FAT3: variants seen among roughly 807,000 people sequenced by gnomAD.
The protein encoded by FAT3 is protocadherin Fat 3.
FAT3 carries 95 observed loss-of-function variants against 310.2 expected under a neutral mutation model. The observed-to-expected ratio is 0.31, with a 90% CI of 0.26 to 0.36. The LOEUF is 0.36. Among genes scored for constraint, FAT3 ranks in the 10% least tolerant of loss-of-function variants. The pLI, the probability that FAT3 is intolerant of heterozygous loss-of-function variation, is 1.00. For missense variants in FAT3, 5,408 were observed against 5,715.6 expected (o/e 0.95, Z 1.74); for synonymous variants, 2,314 against 2,192.9 (o/e 1.06, Z -1.54).
chr11:92,404,881 T>G lies in FAT3; in HGVS notation c.3292+49477T>G, dbSNP rs184017537. Among the ~76,000 whole-genome samples the G allele has an allele frequency of 7.0e-3, 1,060 of 152,048 alleles. 18 individuals are homozygous for G. Among genetic ancestry groups the G allele is most frequent in the African/African-American group, 0.023 (957 of 41,486 alleles). On this transcript the variant is annotated intron_variant, in intron 2 of 27. Transcript: ENST00000525166. ...TGGGACATCTATCTTCTCCTACCCT[T>G]AAACACAGATGCTCCCGGTTCTTGG...
In FAT3 at chr11:92,226,881, CT is replaced by C. The variant is rs142601504; in HGVS notation, c.-18+1712del. On this transcript the variant is annotated intron_variant, in intron 1 of 27. Coordinates refer to ENST00000525166, the MANE Select transcript of FAT3 (RefSeq NM_001367949.2). ...CTGGGACCGCGGTAATGATTGAAGT[CT>C]TTTTCCCCCCTCTCCCCTCCTCCCG... 6.7e-4 allele frequency among the ~76,000 whole-genome samples: 102 copies of C among 152,256 alleles called. No individual in the cohort carries two copies. The East Asian group carries it at 0.014, about 20-fold the overall frequency.
chr11:92,859,490 ATTTC>A (rs1949068712), intron 21 of FAT3, among the ~76,000 whole-genome samples, 168 bp downstream of exon 21: 1 of 152,120 alleles, frequency 6.6e-6, no homozygotes, highest in South Asian at 2.1e-4. Flanking sequence ...CCAACATCCC[ATTTC>A]CTTTTGAACA....
At chr11:92,380,066 C>T (rs933812342) in intron 2 of FAT3, among the ~76,000 whole-genome samples, 4 of 129,306 alleles carry the variant, frequency 3.1e-5, no homozygotes, top group African/African-American at 1.1e-4. Flanking sequence ...ATCATGCAAA[C>T]TGATTCGTGT....
At chr11:92,837,835 G>T (rs1055488804) in intron 17 of FAT3, 29 bp downstream of exon 17, 1 of 1,613,630 alleles carries the variant, frequency 6.2e-7, no homozygotes, top group Admixed American at 1.7e-5. Flanking sequence ...CCAAGCACTT[G>T]TCCCTTTGCA....
Position 92,588,163 on chromosome 11 carries a change from G to A in FAT3, c.3607+63215G>A, listed in dbSNP as rs147908523. 1.9e-4 allele frequency among the ~76,000 whole-genome samples: 29 copies of A among 151,888 alleles called. 2 individuals are homozygous for A. The East Asian group carries it at 5.7e-3, about 30-fold the overall frequency. Reference sequence around the variant, plus strand: ...TTTATGCTGTAGACTTGGAGAGCATGCATACTTTCAACAGTGGTGTCTCTT... The same window carrying A: ...TTTATGCTGTAGACTTGGAGAGCATACATACTTTCAACAGTGGTGTCTCTT... On this transcript the variant is annotated intron_variant, in intron 3 of 27. Coordinates refer to ENST00000525166, the MANE Select transcript of FAT3 (RefSeq NM_001367949.2).
chr11:92,354,147 A>C lies in FAT3; in HGVS notation c.2035A>C (p.Lys679Gln), dbSNP rs1398720067. 1 of 1,613,768 alleles carries C rather than the reference A, an allele frequency of 6.2e-7. No homozygotes were observed. The highest frequency in any genetic ancestry group is 2.2e-5 in the East Asian group (1 of 44,886). The change falls in exon 2 of 28, where the codon AAG becomes CAG. Residue 679 changes from lysine (K) to glutamine (Q), a missense_variant. Transcript: ENST00000525166. ...ISVLHGKVSS[K>Q]SFSCRETRVA... ...AGTCCTACATGGGAAAGTGTCTTCA[A>C]AGAGCTTCAGTTGCAGAGAAACTCG... is the stretch of plus-strand genomic sequence containing the variant.
chr11:92,424,418 G>A (rs568454481), intron 2 of FAT3, among the ~76,000 whole-genome samples: 2 of 152,176 alleles, frequency 1.3e-5, no homozygotes, highest in South Asian at 4.1e-4. Context: ...GTTCTCCTAT[G>A]GACCTTGCCA....
intron 3 of FAT3, among the ~76,000 whole-genome samples, chr11:92,627,854 T>A (rs568504865): frequency 6.6e-6 from 1 of 152,206 alleles, no homozygotes; most frequent in East Asian, 1.9e-4. Context: ...CATGAAGGGA[T>A]TACAGGAAAA....
chr11:92,556,601 C>G (rs564128906), intron 3 of FAT3, among the ~76,000 whole-genome samples: 1 of 152,222 alleles, frequency 6.6e-6, no homozygotes, highest in East Asian at 1.9e-4. Flanking sequence ...ATCTGTGAGG[C>G]CCTACACTGA....
intron 2 of FAT3, among the ~76,000 whole-genome samples, chr11:92,494,354 A>G (rs1952692468): frequency 6.6e-6 from 1 of 152,008 alleles, no homozygotes; most frequent in African/African-American, 2.4e-5. Context: ...TTGGCCCATA[A>G]TAGTCACTCA....
intron 2 of FAT3, among the ~76,000 whole-genome samples, chr11:92,430,763 T>C (rs1950748692): frequency 1.3e-5 from 1 of 74,602 alleles, no homozygotes; most frequent in Admixed American, 1.8e-4. Context: ...ATGCGATGTT[T>C]GGTTTTTTGT....
chr11:92,471,585 T>C (rs1302710770), intron 2 of FAT3, among the ~76,000 whole-genome samples: 1 of 150,938 alleles, frequency 6.6e-6, no homozygotes, highest in Admixed American at 6.6e-5. Flanking sequence ...AACTCATACA[T>C]AGATGGGGAT....
chr11:92,365,068 T>C (rs1360097669), intron 2 of FAT3, among the ~76,000 whole-genome samples: 1 of 152,146 alleles, frequency 6.6e-6, no homozygotes, highest in Non-Finnish European at 1.5e-5. Context: ...ATGACTAGCC[T>C]GGGCAACAAA....
At chr11:92,780,137 C>T (rs192076921) in intron 7 of FAT3, among the ~76,000 whole-genome samples, 117 of 149,734 alleles carry the variant, frequency 7.8e-4, no homozygotes, top group South Asian at 4.7e-3. Context: ...TTTTAAGCTT[C>T]TAAGTTTATG....
chr11:92,553,888 C>A (rs940433133), intron 3 of FAT3, among the ~76,000 whole-genome samples: 6 of 151,824 alleles, frequency 4.0e-5, no homozygotes, highest in Non-Finnish European at 8.8e-5. Context: ...TCACTGCAAG[C>A]TCTGCCTACC....
intron 1 of FAT3, among the ~76,000 whole-genome samples, chr11:92,261,829 G>C (rs1865567430): frequency 6.6e-6 from 1 of 152,000 alleles, no homozygotes; most frequent in Admixed American, 6.6e-5. Flanking sequence ...TATTCATGCT[G>C]GTTGGATGAC....
chr11:92,611,841 G>A (rs1940576307), intron 3 of FAT3, among the ~76,000 whole-genome samples: 1 of 152,190 alleles, frequency 6.6e-6, no homozygotes, highest in South Asian at 2.1e-4. Context: ...TTATAAGAAA[G>A]AAGAATGGAG....
intron 3 of FAT3, among the ~76,000 whole-genome samples, chr11:92,676,622 A>G (rs1475541869): frequency 6.6e-6 from 1 of 152,186 alleles, no homozygotes; most frequent in African/African-American, 2.4e-5. Context: ...AATGAGATGA[A>G]ATTTAAACTG....
intron 4 of FAT3, among the ~76,000 whole-genome samples, chr11:92,707,989 C>CT (rs1944408018): frequency 6.6e-6 from 1 of 152,204 alleles, no homozygotes; most frequent in South Asian, 2.1e-4. Flanking sequence ...TTCAAATGAG[C>CT]TGTTGTTTCA....
Sources: allele counts gnomAD v4.1 joint callset (sites outside exome capture counted in the v4.1 genomes callset), GRCh38; gene constraint gnomAD v4.1.1; transcripts MANE v1.5; gene names NCBI Gene and HGNC (gene_info 2026-07-23, HGNC 2026-07-21).